Variants in CCSER1 observed in about 807,000 individuals in gnomAD.
CCSER1 encodes serine-rich coiled-coil domain-containing protein 1.
A neutral mutation model predicts 82.0 loss-of-function variants in CCSER1; 41 were observed. The observed-to-expected ratio is 0.50, with a 90% CI of 0.39 to 0.65. The LOEUF is 0.65. Among genes scored for constraint, CCSER1 ranks in the 30% least tolerant of loss-of-function variants. The pLI is 0.00. For synonymous variants in CCSER1, 414 were observed against 383.9 expected (o/e 1.08, Z -0.92); for missense variants, 1,119 against 1,064.2 (o/e 1.05, Z -0.72).
chr4:91,319,141 G>C (rs1560586776), intron 10 of CCSER1: 1 of 235,190 alleles, frequency 4.3e-6, no homozygotes, highest in Non-Finnish European at 8.8e-6. Context: ...TTTCTAAAGG[G>C]AAAAAAATAA....
Position 90,932,983 on chromosome 4 carries a change from A to C in CCSER1, c.2172+9536A>C, listed in dbSNP as rs1161848330. Among the ~76,000 whole-genome samples the C allele has an allele frequency of 4.2e-4, 6 of 14,120 alleles. 3 individuals are homozygous for C. Among genetic ancestry groups the C allele is most frequent in the African/African-American group, 2.9e-3 (6 of 2,088 alleles). 9.3% of individuals were successfully genotyped at this position (14,120 alleles called of 152,430 possible). A position where few individuals can be genotyped will look rare whatever the true frequency, so the allele number is the denominator to read the frequency against. ...GAAAGAAAGAAAGAAAGAAAGAAAG[A>C]GAAAGAAAGAAAGAAAGAAAGAAAG... On this transcript the variant is annotated intron_variant, in intron 9 of 10. Coordinates refer to ENST00000509176, the MANE Select transcript of CCSER1 (RefSeq NM_001145065.2).
rs150552403 is a variant in CCSER1 at position 91,208,788 on chromosome 4, A to G, written c.2217+122794A>G. Among the ~76,000 whole-genome samples, 9 of 152,086 alleles carry G rather than the reference A, an allele frequency of 5.9e-5. No homozygotes were observed. In the East Asian group the frequency reaches 1.5e-3, roughly 26 times the overall value. ...GTTTGATAGGCATAGCATTAAATCT[A>G]TAAATTGCTTTGGGCAGTATGACCA... On this transcript the variant is annotated intron_variant, in intron 10 of 10. Transcript: ENST00000509176.
intron 4 of CCSER1, among the ~76,000 whole-genome samples, chr4:90,429,268 A>T (rs551255220): frequency 3.3e-5 from 5 of 151,982 alleles, no homozygotes; most frequent in Non-Finnish European, 7.4e-5. Flanking sequence ...ATGTAGCCAC[A>T]TTGCCATTGT....
intron 9 of CCSER1, among the ~76,000 whole-genome samples, chr4:91,083,629 A>G (rs969360726): frequency 3.9e-5 from 6 of 152,156 alleles, no homozygotes; most frequent in Non-Finnish European, 7.4e-5. Context: ...AATGAGAAGT[A>G]TAAAGAGAAG....
intron 5 of CCSER1, among the ~76,000 whole-genome samples, chr4:90,549,749 C>A (rs927388901): frequency 6.6e-6 from 1 of 151,290 alleles, no homozygotes; most frequent in Non-Finnish European, 1.5e-5. Flanking sequence ...GGTACCAGGG[C>A]AGTATATCAT....
chr4:90,827,911 T>G (rs1760668209), intron 8 of CCSER1, among the ~76,000 whole-genome samples: 1 of 152,086 alleles, frequency 6.6e-6, no homozygotes, highest in Non-Finnish European at 1.5e-5. Context: ...ATACCCTGGT[T>G]ATAGAGCCGA....
chr4:90,670,664 A>T (rs1732627007), intron 6 of CCSER1, among the ~76,000 whole-genome samples: 1 of 152,082 alleles, frequency 6.6e-6, no homozygotes, highest in Non-Finnish European at 1.5e-5. Context: ...CAGAACACTT[A>T]AACTGTTCAG....
At chr4:90,439,003 A>G (rs1248365068) in intron 4 of CCSER1, among the ~76,000 whole-genome samples, 1 of 152,150 alleles carries the variant, frequency 6.6e-6, no homozygotes, top group Admixed American at 6.5e-5. Context: ...CATTTTTTTA[A>G]AAAGCCTTGG....
At chr4:90,546,825 T>G (rs775544633) in intron 5 of CCSER1, among the ~76,000 whole-genome samples, 26 of 152,112 alleles carry the variant, frequency 1.7e-4, no homozygotes, top group Non-Finnish European at 3.4e-4. Context: ...TATATAAATA[T>G]ACTACAATAC....
chr4:91,519,427 C>T (rs1398199977), intron 10 of CCSER1, among the ~76,000 whole-genome samples: 1 of 152,210 alleles, frequency 6.6e-6, no homozygotes, highest in African/African-American at 2.4e-5. Flanking sequence ...GGGTATTATC[C>T]TGCGAGGTGC....
intron 8 of CCSER1, among the ~76,000 whole-genome samples, chr4:90,848,123 A>T (rs532352500): frequency 6.6e-6 from 1 of 152,198 alleles, no homozygotes; most frequent in Non-Finnish European, 1.5e-5. Flanking sequence ...AACAATGCAT[A>T]GTTGTATATT....
At chr4:91,030,349 A>G (rs550962881) in intron 9 of CCSER1, among the ~76,000 whole-genome samples, 86 of 152,270 alleles carry the variant, frequency 5.6e-4, no homozygotes, top group African/African-American at 1.7e-3. Context: ...TATAAAAACT[A>G]CAAGCACACA....
chr4:90,493,014 G>T (rs959551389), intron 5 of CCSER1, among the ~76,000 whole-genome samples: 6 of 152,050 alleles, frequency 3.9e-5, no homozygotes, highest in African/African-American at 1.4e-4. Context: ...TAAAAACCTT[G>T]AAAAAAGATT....
chr4:90,708,499 G>A (rs533131881), intron 6 of CCSER1, among the ~76,000 whole-genome samples: 1 of 152,214 alleles, frequency 6.6e-6, no homozygotes, highest in South Asian at 2.1e-4. Flanking sequence ...CCGGGAATGA[G>A]GAATGAGGAA....
intron 10 of CCSER1, among the ~76,000 whole-genome samples, chr4:91,511,518 G>A (rs1038548415): frequency 6.6e-6 from 1 of 152,078 alleles, no homozygotes; most frequent in African/African-American, 2.4e-5. Context: ...CCTGGGCCAT[G>A]GACTGGTACC....
intron 10 of CCSER1, among the ~76,000 whole-genome samples, chr4:91,375,093 A>G (rs528149793): frequency 6.6e-6 from 1 of 152,300 alleles, no homozygotes; most frequent in African/African-American, 2.4e-5. Flanking sequence ...TCTGGAAAGG[A>G]CTAATTATTC....
intron 9 of CCSER1, among the ~76,000 whole-genome samples, chr4:90,934,892 T>C (rs1730732189): frequency 6.6e-6 from 1 of 151,974 alleles, no homozygotes. Context: ...GATTGTGCCA[T>C]TGCAGTCCAG....
chr4:90,543,869 A>T (rs1390135921), intron 5 of CCSER1, among the ~76,000 whole-genome samples: 2 of 152,160 alleles, frequency 1.3e-5, no homozygotes, highest in Non-Finnish European at 2.9e-5. Context: ...TATAGTTAGG[A>T]TTAGTATTAA....
At chr4:91,074,539 A>G (rs1561524384) in intron 9 of CCSER1, among the ~76,000 whole-genome samples, 1 of 152,208 alleles carries the variant, frequency 6.6e-6, no homozygotes, top group Non-Finnish European at 1.5e-5. Flanking sequence ...TCTAGAAGTT[A>G]TACAGTTTTT....
Sources: gnomAD v4.1 joint callset for allele counts (sites outside exome capture counted in the v4.1 genomes callset) on GRCh38, gnomAD v4.1.1 for gene constraint, MANE v1.5 for transcripts, NCBI Gene and HGNC (gene_info 2026-07-23, HGNC 2026-07-21) for gene names.